Variants in USH2A observed in about 807,000 individuals in gnomAD.
The protein encoded by USH2A is usherin.
A neutral mutation model predicts 538.9 loss-of-function variants in USH2A; 443 were observed. That is an observed-to-expected ratio of 0.82 (90% CI 0.76 to 0.89). The LOEUF (loss-of-function observed/expected upper bound fraction) is 0.89. Among genes scored for constraint, USH2A ranks in the 40% least tolerant of loss-of-function variants. The pLI is 0.00. For missense variants in USH2A, 6,633 were observed against 6,324.8 expected (o/e 1.05, Z -1.65); for synonymous variants, 2,413 against 2,273.5 (o/e 1.06, Z -1.75).
chr1:216,213,200 T>C (rs968136983), intron 15 of USH2A, among the ~76,000 whole-genome samples: 1 of 152,130 alleles, frequency 6.6e-6, no homozygotes, highest in Non-Finnish European at 1.5e-5. Context: ...TCTTGTAACA[T>C]AGAACATTGC....
At chr1:215,874,961 A>G (rs1161253680) in intron 43 of USH2A, among the ~76,000 whole-genome samples, 2 of 152,238 alleles carry the variant, frequency 1.3e-5, no homozygotes, top group Non-Finnish European at 2.9e-5. Context: ...ACAGTAACAC[A>G]GGGGTGAACC....
chr1:215,925,825 A>T (rs1320287290), intron 38 of USH2A, among the ~76,000 whole-genome samples: 5 of 152,196 alleles, frequency 3.3e-5, no homozygotes, highest in Admixed American at 3.3e-4. Flanking sequence ...GAGCAGATGA[A>T]AAATGGAAAA....
chr1:215,761,191 G>C (rs76870998), intron 56 of USH2A, among the ~76,000 whole-genome samples: 1,654 of 152,146 alleles, frequency 0.011, 23 homozygotes, highest in African/African-American at 0.038. Context: ...TGACATTTTT[G>C]CATTTTGTTC....
At chr1:216,086,325 A>T (rs1052140100) in intron 24 of USH2A, among the ~76,000 whole-genome samples, 1 of 152,106 alleles carries the variant, frequency 6.6e-6, no homozygotes, top group African/African-American at 2.4e-5. Context: ...ATCACATAGT[A>T]TTCAGGGAAT....
intron 3 of USH2A, among the ~76,000 whole-genome samples, chr1:216,379,716 A>G (rs145999356): frequency 0.012 from 1,822 of 152,318 alleles, 41 homozygotes; most frequent in African/African-American, 0.041. Context: ...GAATCCAACC[A>G]TTACATCAAT....
chr1:216,014,057 G>C (rs973132063), intron 32 of USH2A, among the ~76,000 whole-genome samples: 1 of 149,462 alleles, frequency 6.7e-6, no homozygotes, highest in African/African-American at 2.5e-5. Flanking sequence ...AATGTTACTA[G>C]TGTTCTTTGA....
intron 32 of USH2A, among the ~76,000 whole-genome samples, chr1:216,041,929 C>A (rs61263325): frequency 2.0e-5 from 3 of 151,638 alleles, no homozygotes; most frequent in African/African-American, 7.3e-5. Flanking sequence ...ACAAACTATA[C>A]CAAACATTCT....
intron 3 of USH2A, among the ~76,000 whole-genome samples, chr1:216,391,542 C>G (rs2039107410): frequency 6.6e-6 from 1 of 152,128 alleles, no homozygotes; most frequent in African/African-American, 2.4e-5. Context: ...GCGCTTAACC[C>G]CACTTCTTCA....
chr1:216,314,257 C>T (rs2037470139), intron 9 of USH2A, among the ~76,000 whole-genome samples: 1 of 152,036 alleles, frequency 6.6e-6, no homozygotes, highest in South Asian at 2.1e-4. Flanking sequence ...AGCATTTATG[C>T]ACATACCTAT....
intron 20 of USH2A, among the ~76,000 whole-genome samples, chr1:216,189,900 A>C (rs374968911): frequency 6.6e-6 from 1 of 151,950 alleles, no homozygotes. Context: ...CGCTACAACT[A>C]ATTACATTTC....
At chr1:215,756,369 T>G (rs551295609) in intron 58 of USH2A, among the ~76,000 whole-genome samples, 1 of 152,310 alleles carries the variant, frequency 6.6e-6, no homozygotes, top group East Asian at 1.9e-4. Flanking sequence ...GCAACTGATA[T>G]GTTAAATAAT....
intron 3 of USH2A, among the ~76,000 whole-genome samples, chr1:216,377,206 A>T (rs1266061920): frequency 6.6e-6 from 1 of 152,192 alleles, no homozygotes; most frequent in Non-Finnish European, 1.5e-5. Context: ...TGTTTGTTTA[A>T]ATAAATTCTA....
rs1041425619 is a variant in USH2A, at chr1:215,888,693, G to T, written c.7956C>A (p.Gly2652=). 5.6e-6 allele frequency: 9 copies of T among 1,614,148 alleles called. No homozygotes were observed. The highest frequency in any genetic ancestry group is 1.7e-5 in the Admixed American group (1 of 60,014). ...ISWQPPTHPN[G]LVENFTIERR... ...TCTCAATTGTGAAATTCTCCACCAA[G>T]CCATTGGGGTGGGTAGGGGGTTGCC... The change falls in exon 41 of 72, where the codon GGC becomes GGA. Residue 2652 remains glycine, a synonymous_variant. Transcript: ENST00000307340.
At chr1:216,077,146 T>C (rs1459244032) in intron 27 of USH2A, among the ~76,000 whole-genome samples, 1 of 152,124 alleles carries the variant, frequency 6.6e-6, no homozygotes, top group Non-Finnish European at 1.5e-5. Flanking sequence ...AATAATTGAC[T>C]CACCTATTCT....
chr1:216,256,542 G>T (rs1301435238), intron 11 of USH2A, among the ~76,000 whole-genome samples: 4 of 151,842 alleles, frequency 2.6e-5, no homozygotes, highest in Non-Finnish European at 2.9e-5. Context: ...GGTTATCACT[G>T]CATGAGTCTA....
chr1:215,828,469 T>C lies in USH2A; in HGVS notation c.9371+9522A>G, dbSNP rs117649853. Among the ~76,000 whole-genome samples the C allele has an allele frequency of 5.9e-5, 9 of 152,134 alleles. No homozygotes were observed. In the East Asian group the frequency reaches 1.7e-3, roughly 30 times the overall value. ...AACAACAACAAAAAAGAAAAAAATA[T>C]ATAGATATTCATTAATAACGATAGT... is the stretch of plus-strand genomic sequence containing the variant. On this transcript the variant is annotated intron_variant, in intron 47 of 71. Transcript: ENST00000307340.
At chr1:216,164,157 G>A (rs1318650834) in intron 21 of USH2A, among the ~76,000 whole-genome samples, 3 of 152,106 alleles carry the variant, frequency 2.0e-5, no homozygotes, top group Non-Finnish European at 4.4e-5. Flanking sequence ...ACATCAGCTA[G>A]TGGAGTGAAA....
chr1:215,675,706 T>C, intron 62 of USH2A, 90 bp from the exon 63 acceptor site: 11 of 1,600,432 alleles, frequency 6.9e-6, no homozygotes, highest in Non-Finnish European at 3.4e-6. Context: ...CACCCCCTTG[T>C]TCCTTATTTT....
At chr1:216,246,204 T>C (rs1396925778) in intron 13 of USH2A, among the ~76,000 whole-genome samples, 13 of 152,360 alleles carry the variant, frequency 8.5e-5, no homozygotes, top group African/African-American at 3.1e-4. Flanking sequence ...ATTTAGTTCA[T>C]CATTTGAATA....
Sources: gnomAD v4.1 joint callset for allele counts (sites outside exome capture counted in the v4.1 genomes callset) on GRCh38, gnomAD v4.1.1 for gene constraint, MANE v1.5 for transcripts, NCBI Gene and HGNC (gene_info 2026-07-23, HGNC 2026-07-21) for gene names.